RASSF3: variants seen among roughly 807,000 people sequenced by gnomAD.
RASSF3 encodes Ras association domain family member 3.
Under a neutral mutation model 19.9 loss-of-function variants are expected in RASSF3, and 19 were observed. The observed-to-expected ratio is 0.96, with a 90% confidence interval of 0.67 to 1.40. The LOEUF is 1.40. Among genes scored for constraint, RASSF3 ranks in the 40% most tolerant of loss-of-function variants. The pLI, the probability that RASSF3 is intolerant of heterozygous loss-of-function variation, is 0.00. For synonymous variants in RASSF3, 110 were observed against 104.2 expected, an observed-to-expected ratio of 1.06 and a Z score of -0.34; for missense variants, 306 against 289.8, an observed-to-expected ratio of 1.06 and a Z score of -0.41.
chr12:64,508,280 C>T (rs1241814262), intron 1 of RASSF3, among the ~76,000 whole-genome samples: 12 of 151,994 alleles, frequency 7.9e-5, no homozygotes, highest in Admixed American at 2.6e-4. Flanking sequence ...TTTGGGAGGC[C>T]GAGGCAGATG....
chr12:64,586,553 A>G (rs1869806818), intron 2 of RASSF3, among the ~76,000 whole-genome samples: 1 of 150,864 alleles, frequency 6.6e-6, no homozygotes, highest in Admixed American at 6.6e-5. Context: ...TTCATTCTCC[A>G]GAGATAGTCA....
intron 1 of RASSF3, among the ~76,000 whole-genome samples, chr12:64,633,872 A>G (rs1871243557): frequency 6.6e-6 from 1 of 152,178 alleles, no homozygotes; most frequent in Non-Finnish European, 1.5e-5. Context: ...GGGGTGGCTC[A>G]CGCCTATAGT....
In RASSF3 at chr12:64,694,971, T is replaced by G. The variant is rs1456518545; in HGVS notation, c.*59T>G. 7 of 1,571,894 alleles carry G rather than the reference T, an allele frequency of 4.5e-6. No individual in the cohort carries two copies. In the Admixed American group the frequency reaches 1.2e-4, roughly 28 times the overall value. ...GACCGATGTACAAAACAGCAGCAAG[T>G]GCCTCTCTTCTCAGAGGGCTGCTGT... On this transcript the variant is annotated 3_prime_UTR_variant, in exon 5 of 5. Coordinates refer to ENST00000542104, the MANE Select transcript of RASSF3 (RefSeq NM_178169.4).
intron 1 of RASSF3, among the ~76,000 whole-genome samples, chr12:64,624,337 T>G (rs1870908298): frequency 6.6e-6 from 1 of 152,008 alleles, no homozygotes; most frequent in Non-Finnish European, 1.5e-5. Context: ...TGTTCTTAAT[T>G]GATTAATTGC....
intron 1 of RASSF3, among the ~76,000 whole-genome samples, chr12:64,511,760 A>T (rs1868330090): frequency 6.6e-6 from 1 of 152,188 alleles, no homozygotes; most frequent in African/African-American, 2.4e-5. Context: ...CTATCGTATT[A>T]ATTTATTTTT....
chr12:64,665,949 C>G (rs935275132), intron 1 of RASSF3, among the ~76,000 whole-genome samples: 1 of 152,190 alleles, frequency 6.6e-6, no homozygotes, highest in African/African-American at 2.4e-5. Flanking sequence ...GTGAAGTGTT[C>G]TATGTGTTCT....
chr12:64,671,395 T>G (rs1872697841), intron 1 of RASSF3, among the ~76,000 whole-genome samples: 1 of 152,158 alleles, frequency 6.6e-6, no homozygotes, highest in Non-Finnish European at 1.5e-5. Flanking sequence ...TCGCCTCTTG[T>G]GATCTTCTAT....
At chr12:64,608,424 C>A (rs1325092127), upstream of RASSF3, among the ~76,000 whole-genome samples, 2 of 152,076 alleles carry the variant, frequency 1.3e-5, no homozygotes, top group Non-Finnish European at 2.9e-5. Context: ...CGGGTTCAAG[C>A]GATTCTCCTG....
rs887129563 is a variant in RASSF3, at chr12:64,669,132, CA to C, written c.112-15652del. On this transcript the variant is annotated intron_variant, in intron 1 of 4. Transcript: ENST00000542104. ...ATGTGTCCTGTTTAACCTCGAGGAGCAAATGGCTTTCCATTCTAAACATTCT... is the reference window on the plus strand; with the variant it reads ...ATGTGTCCTGTTTAACCTCGAGGAGCAATGGCTTTCCATTCTAAACATTCT... Among the ~76,000 whole-genome samples, 4 of 152,296 alleles carry C rather than the reference CA, an allele frequency of 2.6e-5. No homozygotes were observed. The South Asian group carries it at 8.3e-4, about 32-fold the overall frequency.
chr12:64,637,539 C>T (rs898927061), intron 1 of RASSF3, among the ~76,000 whole-genome samples: 2 of 150,852 alleles, frequency 1.3e-5, no homozygotes, highest in Non-Finnish European at 2.9e-5. Flanking sequence ...CAGCAATTCT[C>T]ATGCCTCAGC....
At chr12:64,669,767 C>T (rs1439234726) in intron 1 of RASSF3, among the ~76,000 whole-genome samples, 3 of 151,786 alleles carry the variant, frequency 2.0e-5, no homozygotes, top group African/African-American at 7.3e-5. Flanking sequence ...GCCCTTTCCT[C>T]CCAGCCTCGG....
chr12:64,648,691 C>G (rs1384880981), intron 1 of RASSF3, among the ~76,000 whole-genome samples: 2 of 151,782 alleles, frequency 1.3e-5, no homozygotes, highest in Non-Finnish European at 2.9e-5. Flanking sequence ...TCATGTTAGC[C>G]AGGATGGTCT....
At chr12:64,579,815 T>TG (rs952012123) in intron 2 of RASSF3, among the ~76,000 whole-genome samples, 6 of 150,718 alleles carry the variant, frequency 4.0e-5, no homozygotes, top group Admixed American at 2.0e-4. Context: ...TTGGGTTTTT[T>TG]TTTTTTTTTT....
intron 1 of RASSF3, among the ~76,000 whole-genome samples, chr12:64,520,371 C>T (rs1034300042): frequency 6.6e-6 from 1 of 151,608 alleles, no homozygotes; most frequent in African/African-American, 2.4e-5. Context: ...TTATGTTGGC[C>T]AGGCTGGTCT....
chr12:64,693,241 CTT>C (rs1868310609), intron 4 of RASSF3, among the ~76,000 whole-genome samples: 1 of 143,076 alleles, frequency 7.0e-6, no homozygotes, highest in African/African-American at 2.6e-5. Flanking sequence ...ATTTTTCACT[CTT>C]TGTTTGTATT....
intron 2 of RASSF3, among the ~76,000 whole-genome samples, chr12:64,556,437 G>A (rs1014398105): frequency 4.6e-5 from 7 of 151,880 alleles, no homozygotes; most frequent in African/African-American, 1.7e-4. Flanking sequence ...GGATTACAGG[G>A]GTGTAATCCT....
At chr12:64,692,827 T>TTTGGGAGGCTGTAATCC (rs1219373963) in intron 4 of RASSF3, among the ~76,000 whole-genome samples, 1 of 152,166 alleles carries the variant, frequency 6.6e-6, no homozygotes, top group Non-Finnish European at 1.5e-5. Context: ...TCCTCCCACC[T>TTTGGGAGGCTGTAATCC]CAGCCTCCCA....
At chr12:64,523,348 G>A (rs1868517937) in intron 1 of RASSF3, among the ~76,000 whole-genome samples, 1 of 152,142 alleles carries the variant, frequency 6.6e-6, no homozygotes, top group South Asian at 2.1e-4. Flanking sequence ...AGAGGTTGCA[G>A]TGAGCCAAGA....
chr12:64,610,047 G>T (rs1001187317), upstream of RASSF3, among the ~76,000 whole-genome samples: 2 of 152,126 alleles, frequency 1.3e-5, no homozygotes, highest in African/African-American at 4.8e-5. Context: ...GGACCTGGGG[G>T]GTCCCTCGGC....
Sources: allele counts gnomAD v4.1 joint callset (sites outside exome capture counted in the v4.1 genomes callset), GRCh38; gene constraint gnomAD v4.1.1; transcripts MANE v1.5; gene names NCBI Gene and HGNC (gene_info 2026-07-23, HGNC 2026-07-21).